The following PCSK5 variants were observed in gnomAD, a reference collection of about 807,000 sequenced individuals.
PCSK5 encodes the protein proprotein convertase subtilisin/kexin type 5, also known as prohormone convertase 5.
Under a neutral mutation model 233.2 loss-of-function variants are expected in PCSK5, and 129 were observed. The ratio of observed to expected loss-of-function variants is 0.55; its 90% CI spans 0.48 to 0.64. PCSK5 has a LOEUF of 0.64. PCSK5 is among the 30% of genes least tolerant of loss of function. The pLI is 0.00. For synonymous variants in PCSK5, 825 were observed against 879.2 expected (o/e 0.94, Z 1.09); for missense variants, 2,076 against 2,430.1 (o/e 0.85, Z 3.06).
intron 24 of PCSK5, among the ~76,000 whole-genome samples, chr9:76,280,231 G>A (rs1282835256): frequency 6.6e-6 from 1 of 152,160 alleles, no homozygotes; most frequent in Non-Finnish European, 1.5e-5. Context: ...ATGGAACTTA[G>A]TTGACAAATG....
intron 24 of PCSK5, among the ~76,000 whole-genome samples, chr9:76,251,454 C>T (rs1228770525): frequency 6.6e-6 from 1 of 151,042 alleles, no homozygotes; most frequent in Non-Finnish European, 1.5e-5. Flanking sequence ...ATCCCAGCTA[C>T]TCTGGAGGCT....
At chr9:76,040,367 C>CTG (rs1563988557) in intron 5 of PCSK5, among the ~76,000 whole-genome samples, 3 of 66,356 alleles carry the variant, frequency 4.5e-5, no homozygotes, top group South Asian at 7.8e-4. Context: ...CTCTCTCTCT[C>CTG]TCTCTCTCTC....
intron 36 of PCSK5, among the ~76,000 whole-genome samples, chr9:76,352,495 G>T (rs1434515576): frequency 6.6e-6 from 1 of 152,088 alleles, no homozygotes; most frequent in Non-Finnish European, 1.5e-5. Context: ...AGATGAAGTT[G>T]CTGTGGTTGA....
intron 20 of PCSK5, among the ~76,000 whole-genome samples, chr9:76,200,172 C>T (rs1236174825): frequency 6.6e-6 from 1 of 152,218 alleles, no homozygotes; most frequent in African/African-American, 2.4e-5. Context: ...AATCAGATTT[C>T]ATCTCTGTTT....
chr9:76,351,661 A>AAGAAGAAAGAGAGAG (rs1830169824), intron 36 of PCSK5, among the ~76,000 whole-genome samples: 2 of 97,546 alleles, frequency 2.1e-5, no homozygotes, highest in South Asian at 8.7e-4. Context: ...GAGAGAGAGA[A>AAGAAGAAAGAGAGAG]AGAAAGAAAG....
At chr9:76,124,237 T>A (rs1260084581) in intron 9 of PCSK5, among the ~76,000 whole-genome samples, 1 of 152,090 alleles carries the variant, frequency 6.6e-6, no homozygotes, top group Non-Finnish European at 1.5e-5. Flanking sequence ...TCCACACCTG[T>A]AAAAGGGGAA....
At chr9:76,251,339 G>A (rs1826796718) in intron 24 of PCSK5, among the ~76,000 whole-genome samples, 1 of 151,968 alleles carries the variant, frequency 6.6e-6, no homozygotes, top group African/African-American at 2.4e-5. Context: ...CAAGGCGGGT[G>A]GATCATGAGG....
At chr9:76,316,760 A>G (rs1339705649) in intron 30 of PCSK5, among the ~76,000 whole-genome samples, 1 of 150,544 alleles carries the variant, frequency 6.6e-6, no homozygotes, top group South Asian at 2.1e-4. Context: ...AAAAAAAAAA[A>G]AAAAAAAAGA....
intron 20 of PCSK5, among the ~76,000 whole-genome samples, chr9:76,207,594 C>T (rs1023367020): frequency 6.6e-6 from 1 of 152,156 alleles, no homozygotes; most frequent in Non-Finnish European, 1.5e-5. Flanking sequence ...TACATTTCCT[C>T]CCTTTACAGA....
intron 5 of PCSK5, among the ~76,000 whole-genome samples, chr9:76,044,138 G>A (rs980929604): frequency 5.9e-5 from 9 of 152,042 alleles, no homozygotes; most frequent in African/African-American, 2.2e-4. Flanking sequence ...AATAGCATAA[G>A]CAGAAATAAG....
intron 9 of PCSK5, 49 bp from the exon 10 acceptor site, chr9:76,134,060 C>G: frequency 8.7e-7 from 1 of 1,152,188 alleles, no homozygotes; most frequent in Non-Finnish European, 1.3e-6. Context: ...TCTGCTTCCC[C>G]CATCTTTTTT....
At chr9:75,905,485 C>A (rs1419900449) in intron 1 of PCSK5, among the ~76,000 whole-genome samples, 1 of 152,218 alleles carries the variant, frequency 6.6e-6, no homozygotes, top group Non-Finnish European at 1.5e-5. Context: ...CCACTGCATT[C>A]CAGCCTGGAT....
intron 10 of PCSK5, among the ~76,000 whole-genome samples, chr9:76,156,647 C>G (rs191311601): frequency 6.6e-6 from 1 of 152,320 alleles, no homozygotes; most frequent in East Asian, 1.9e-4. Context: ...AAACTACGTG[C>G]ATTAAAATCT....
At chr9:76,357,263 C>T (rs1243189945) in intron 37 of PCSK5, among the ~76,000 whole-genome samples, 1 of 152,144 alleles carries the variant, frequency 6.6e-6, no homozygotes, top group Non-Finnish European at 1.5e-5. Context: ...TGTGGTGGCT[C>T]ATGCCCCAGA....
At chr9:76,256,102 C>T (rs1826973485) in intron 24 of PCSK5, among the ~76,000 whole-genome samples, 1 of 152,204 alleles carries the variant, frequency 6.6e-6, no homozygotes, top group Admixed American at 6.5e-5. Flanking sequence ...TGATTACATT[C>T]TCTGTTCCTT....
chr9:76,236,151 C>T (rs1245547351), intron 22 of PCSK5, among the ~76,000 whole-genome samples: 1 of 152,236 alleles, frequency 6.6e-6, no homozygotes, highest in Admixed American at 6.5e-5. Flanking sequence ...CCATCAATCA[C>T]ACAACAGCTA....
chr9:76,039,273 T>G (rs1232311016), intron 5 of PCSK5, among the ~76,000 whole-genome samples: 1 of 152,208 alleles, frequency 6.6e-6, no homozygotes, highest in African/African-American at 2.4e-5. Flanking sequence ...TGCATCCCGG[T>G]TGAAACAAAC....
rs776128235 is a variant in PCSK5 at position 76,358,953 on chromosome 9, C to T, written c.*31C>T. Reference sequence around the variant, plus strand: ...CACTCCCCCACCAACACCACCATTCCACTCTCAGGCATGCCTGTGAGCATC... The same window carrying T: ...CACTCCCCCACCAACACCACCATTCTACTCTCAGGCATGCCTGTGAGCATC... On this transcript the variant is annotated 3_prime_UTR_variant, in exon 38 of 38. Transcript: ENST00000674117. 117 of 1,589,286 alleles carry T rather than the reference C, an allele frequency of 7.4e-5. No homozygotes were observed. Among genetic ancestry groups the T allele is most frequent in the Admixed American group, 1.0e-4 (6 of 59,544 alleles).
At chr9:76,068,805 T>C (rs947672123) in intron 6 of PCSK5, among the ~76,000 whole-genome samples, 9 of 152,188 alleles carry the variant, frequency 5.9e-5, no homozygotes, top group Non-Finnish European at 1.3e-4. Context: ...TCATTATGCC[T>C]GAAGGTATTC....
Sources: gnomAD v4.1 joint callset for allele counts (sites outside exome capture counted in the v4.1 genomes callset) on GRCh38, gnomAD v4.1.1 for gene constraint, MANE v1.5 for transcripts, NCBI Gene and HGNC (gene_info 2026-07-23, HGNC 2026-07-21) for gene names.